Variants in DAPK1 observed in about 807,000 individuals in gnomAD.
DAPK1 encodes the protein death associated protein kinase 1.
In DAPK1, 56 loss-of-function variants were observed where a neutral mutation model predicts 144.9. That is an observed-to-expected ratio of 0.39 (90% confidence interval 0.31 to 0.48). DAPK1 has a LOEUF of 0.48. Ranked by LOEUF, DAPK1 falls within the 20% of genes least tolerant of loss-of-function variation. The pLI, the probability that DAPK1 is intolerant of heterozygous loss-of-function variation, is 0.95. For synonymous variants in DAPK1, 690 were observed against 749.0 expected (o/e 0.92, Z 1.29); for missense variants, 1,454 against 1,875.4 (o/e 0.78, Z 4.15).
chr9:87,615,950 C>T (rs539826758), intron 3 of DAPK1, among the ~76,000 whole-genome samples: 1 of 152,252 alleles, frequency 6.6e-6, no homozygotes. Flanking sequence ...GCCTGCAAGG[C>T]CCCATTGTCT....
chr9:87,602,131 T>G (rs1452917599), intron 2 of DAPK1, among the ~76,000 whole-genome samples: 1 of 152,078 alleles, frequency 6.6e-6, no homozygotes, highest in Non-Finnish European at 1.5e-5. Context: ...GGGAATAGAT[T>G]GTTAGGGGTG....
chr9:87,638,732 A>G (rs1010209561), intron 4 of DAPK1, among the ~76,000 whole-genome samples: 6 of 152,204 alleles, frequency 3.9e-5, no homozygotes, highest in African/African-American at 1.4e-4. Context: ...TAGAGCTGGG[A>G]TAGGATTTCA....
At chr9:87,696,371 T>C (rs1389989087) in intron 21 of DAPK1, among the ~76,000 whole-genome samples, 1 of 152,152 alleles carries the variant, frequency 6.6e-6, no homozygotes, top group African/African-American at 2.4e-5. Context: ...ATATACATGC[T>C]GTAGATATGT....
Position 87,706,889 on chromosome 9 carries a change from G to C in DAPK1, c.3818G>C (p.Gly1273Ala), listed in dbSNP as rs202163821. 88 of 1,613,908 alleles carry C rather than the reference G, an allele frequency of 5.5e-5. No individual in the cohort carries two copies. Among genetic ancestry groups the C allele is most frequent in the Middle Eastern group, 1.6e-4 (1 of 6,084 alleles). ...GAAACCTCACTGACCAACACCATGG[G>C]GGGGTACAAGGAAAGCTTCAGCAGC... ...LKETSLTNTM[G>A]GYKESFSSIM... Residue 1273 changes from glycine (G) to alanine (A), a missense_variant, in exon 26 of 26, where the codon GGG (glycine) becomes GCG (alanine). By Grantham distance (60) the Gly-to-Ala change is moderately conservative (BLOSUM62 0). This residue lies in a region of DAPK1 where 1,025 missense variants were observed against 1,237.9 expected (regional missense o/e 0.83). Transcript: ENST00000408954. This position sits in a 1 kb window ranked among gnomAD's most constrained non-coding sequence, Gnocchi z 9.0.
In DAPK1 at chr9:87,703,029, G is replaced by A. The variant is rs757828940; in HGVS notation, c.2872G>A (p.Val958Ile). Residue 958 changes from valine to isoleucine, a missense_variant and splice_region_variant, in exon 25 of 26, where the codon GTC becomes ATC. Physicochemically the swap from Val to Ile is conservative, Grantham distance 29. Around this residue, in one of 2 missense-constraint regions of DAPK1, gnomAD observed 1,025 missense variants for 1,237.9 expected, o/e 0.83. Coordinates refer to ENST00000408954, the MANE Select transcript of DAPK1 (RefSeq NM_004938.4). ...ACCTGTCTGGCCCTGCCCCCTCTAG[G>A]TCTGTCCTCCCATGACTCACCTGTG... ...LQEIRSQIVSVCPPMTHLCEK... is the reference protein window; with the variant it reads ...LQEIRSQIVSICPPMTHLCEK... 3.4e-5 allele frequency: 52 copies of A among 1,546,550 alleles called. No homozygotes were observed. In the East Asian group the frequency reaches 1.2e-3, roughly 35 times the overall value.
chr9:87,650,584 A>C (rs1277764193), intron 16 of DAPK1: 1 of 200,196 alleles, frequency 5.0e-6, no homozygotes, highest in African/African-American at 2.4e-5. Flanking sequence ...ATTCAGCCTC[A>C]TCTGTTTTTA....
chr9:87,562,738 G>T (rs1826976082), intron 2 of DAPK1, among the ~76,000 whole-genome samples: 1 of 152,192 alleles, frequency 6.6e-6, no homozygotes, highest in African/African-American at 2.4e-5. Context: ...ACACTGTCCA[G>T]AAGGAAATAA....
rs981394720 is a variant in DAPK1 at position 87,577,117 on chromosome 9, C to G, written c.63-27837C>G. Among the ~76,000 whole-genome samples the G allele has an allele frequency of 2.6e-5, 4 of 152,172 alleles. No individual in the cohort carries two copies. The East Asian group carries it at 7.7e-4, about 29-fold the overall frequency. ...TTGTCCCTCAAATATATACGGGAAT[C>G]TGGTATGGAACTCAAGATCAACGAG... is the stretch of plus-strand genomic sequence containing the variant. On this transcript the variant is annotated intron_variant, in intron 2 of 25. Transcript: ENST00000408954.
At chr9:87,563,429 G>A (rs1827003722) in intron 2 of DAPK1, among the ~76,000 whole-genome samples, 1 of 152,218 alleles carries the variant, frequency 6.6e-6, no homozygotes, top group Non-Finnish European at 1.5e-5. Context: ...GGGATGGGTT[G>A]TAGTGTTCAT....
At chr9:87,532,476 A>T (rs548802542) in intron 2 of DAPK1, among the ~76,000 whole-genome samples, 3 of 152,022 alleles carry the variant, frequency 2.0e-5, no homozygotes, top group Non-Finnish European at 2.9e-5. Flanking sequence ...AAGTTTGCTG[A>T]CCCCTGGTTT....
chr9:87,563,664 A>G (rs1463051879), intron 2 of DAPK1, among the ~76,000 whole-genome samples: 1 of 152,226 alleles, frequency 6.6e-6, no homozygotes, highest in Non-Finnish European at 1.5e-5. Flanking sequence ...AGGCCCAGCC[A>G]TCAGTCAGCA....
At chr9:87,595,593 G>T (rs12551072) in intron 2 of DAPK1, among the ~76,000 whole-genome samples, 19,487 of 152,150 alleles carry the variant, frequency 0.13, 1,894 homozygotes, top group African/African-American at 0.26. Flanking sequence ...TTGTCCCCAC[G>T]TGCAATACCA....
intron 19 of DAPK1, among the ~76,000 whole-genome samples, chr9:87,669,189 C>G (rs900139128): frequency 6.6e-6 from 1 of 152,108 alleles, no homozygotes; most frequent in Admixed American, 6.5e-5. Context: ...TAAAGATGTT[C>G]ACTGCAGTAT....
chr9:87,573,361 G>C (rs1214309718), intron 2 of DAPK1, among the ~76,000 whole-genome samples: 1 of 152,214 alleles, frequency 6.6e-6, no homozygotes, highest in African/African-American at 2.4e-5. Context: ...CTAAAGCTCT[G>C]TCTCTCCTGG....
At chr9:87,550,841 G>A (rs1192024926) in intron 2 of DAPK1, among the ~76,000 whole-genome samples, 1 of 152,226 alleles carries the variant, frequency 6.6e-6, no homozygotes, top group African/African-American at 2.4e-5. Flanking sequence ...AGCCATGCTT[G>A]TTGATGGGTG....
intron 2 of DAPK1, among the ~76,000 whole-genome samples, chr9:87,562,785 A>AT (rs981054738): frequency 2.4e-4 from 37 of 152,340 alleles, no homozygotes; most frequent in African/African-American, 8.2e-4. Flanking sequence ...AAATAATAGC[A>AT]TGTCAGGTGC....
intron 24 of DAPK1, 36 bp from the exon 25 acceptor site, chr9:87,702,993 C>T (rs1564079026): frequency 2.0e-6 from 2 of 1,023,648 alleles, no homozygotes; most frequent in East Asian, 2.4e-5. Context: ...CCCACAGCTG[C>T]AGGTGAGTTA....
intron 2 of DAPK1, among the ~76,000 whole-genome samples, chr9:87,577,002 G>T (rs1827586241): frequency 6.6e-6 from 1 of 152,218 alleles, no homozygotes; most frequent in Non-Finnish European, 1.5e-5. Flanking sequence ...CCATAAATGG[G>T]CATTTCCTTT....
chr9:87,502,701 T>A (rs2118010302), intron 2 of DAPK1, among the ~76,000 whole-genome samples: 2 of 152,314 alleles, frequency 1.3e-5, no homozygotes, highest in South Asian at 4.1e-4. Context: ...AGTTTCCCCT[T>A]TTAAAGTCAA....
Sources: gnomAD v4.1 joint callset for allele counts (sites outside exome capture counted in the v4.1 genomes callset) on GRCh38, gnomAD v4.1.1 for gene constraint, gnomAD v4.1.1 regional missense constraint, Gnocchi (gnomAD v3.1) non-coding constraint, MANE v1.5 for transcripts, NCBI Gene and HGNC (gene_info 2026-07-23, HGNC 2026-07-21) for gene names.